Variants in CAPZB observed in about 807,000 individuals in gnomAD.
The protein encoded by CAPZB is capping actin protein of muscle Z-line subunit beta.
In CAPZB, 2 loss-of-function variants were observed where a neutral mutation model predicts 38.1. That is an observed-to-expected ratio of 0.05 (90% CI 0.02 to 0.17). CAPZB has a LOEUF of 0.17. Ranked by LOEUF, CAPZB falls within the 10% of genes least tolerant of loss-of-function variation. The probability of loss-of-function intolerance (pLI) is 1.00; values close to 1 mark genes in which losing one functional copy is unlikely to be tolerated. For synonymous variants in CAPZB, 107 were observed against 127.4 expected, an observed-to-expected ratio of 0.84 and a Z score of 1.08; for missense variants, 161 against 334.2, an observed-to-expected ratio of 0.48 and a Z score of 4.04.
chr1:19,482,785 T>C (rs1272619914), intron 1 of CAPZB, among the ~76,000 whole-genome samples: 1 of 152,212 alleles, frequency 6.6e-6, no homozygotes, highest in Non-Finnish European at 1.5e-5. Context: ...ATGAAAAACA[T>C]GGTGATCTGA....
At chr1:19,398,442 C>T (rs1445727068) in intron 2 of CAPZB, among the ~76,000 whole-genome samples, 4 of 152,176 alleles carry the variant, frequency 2.6e-5, no homozygotes, top group African/African-American at 9.7e-5. Context: ...AGCTTCTAAA[C>T]CTCCATGACC....
intron 1 of CAPZB, among the ~76,000 whole-genome samples, chr1:19,428,727 T>C (rs1244064370): frequency 1.3e-5 from 2 of 152,162 alleles, no homozygotes. Context: ...TCTTCGTGTT[T>C]TGAGGCCTGG....
At chr1:19,345,361 G>A (rs2100247024) in intron 6 of CAPZB, 109 bp from the exon 7 acceptor site, 2 of 882,528 alleles carry the variant, frequency 2.3e-6, no homozygotes, top group East Asian at 2.4e-5. Flanking sequence ...TTCCCACCGT[G>A]GAGCCAGCTG....
At chr1:19,478,640 GCACT>G (rs2094615755) in intron 1 of CAPZB, among the ~76,000 whole-genome samples, 1 of 151,914 alleles carries the variant, frequency 6.6e-6, no homozygotes, top group Admixed American at 6.6e-5. Context: ...GGCTGGTTCT[GCACT>G]CACTCCTGAG....
chr1:19,378,472 C>G (rs567363545), intron 4 of CAPZB, 68 bp downstream of exon 4: 26 of 882,342 alleles, frequency 2.9e-5, no homozygotes, highest in African/African-American at 2.5e-4. Flanking sequence ...CCAGATAGAA[C>G]ACTGCCACTT....
chr1:19,364,706 G>A (rs1260011721), intron 4 of CAPZB, among the ~76,000 whole-genome samples: 1 of 152,146 alleles, frequency 6.6e-6, no homozygotes, highest in Non-Finnish European at 1.5e-5. Context: ...ATGCATAGCA[G>A]GGACCAGCAC....
intron 8 of CAPZB, among the ~76,000 whole-genome samples, chr1:19,340,504 C>T (rs1474700299): frequency 6.6e-6 from 1 of 152,222 alleles, no homozygotes; most frequent in Non-Finnish European, 1.5e-5. Context: ...TATATTATCT[C>T]ATTTAATTTT....
intron 4 of CAPZB, among the ~76,000 whole-genome samples, chr1:19,367,379 A>G (rs146399238): frequency 1.7e-3 from 262 of 152,336 alleles, no homozygotes; most frequent in African/African-American, 6.0e-3. Flanking sequence ...TTCTGAACAG[A>G]GGGGAGGAGA....
intron 1 of CAPZB, among the ~76,000 whole-genome samples, chr1:19,424,127 A>C (rs1248968406): frequency 6.6e-6 from 1 of 152,054 alleles, no homozygotes; most frequent in Non-Finnish European, 1.5e-5. Context: ...CACTCTTATT[A>C]TTTAGACACG....
At position 19,404,309 on chromosome 1, in the gene CAPZB, C is replaced by T. The variant is rs552580244; in HGVS notation, c.93+15352G>A. On this transcript the variant is annotated intron_variant, in intron 2 of 8. Transcript: ENST00000264202. The stretch of plus-strand genomic sequence containing the variant: ...CTGTAATCTCAGCACTTTGGGAGGC[C>T]GAGGCAGGCAGATCACTTGAGGTCA... Among the ~76,000 whole-genome samples the T allele has an allele frequency of 1.4e-3, 216 of 149,054 alleles. 1 individual carries two copies. Among genetic ancestry groups the T allele is most frequent in the African/African-American group, 5.2e-3 (211 of 40,284 alleles).
intron 1 of CAPZB, among the ~76,000 whole-genome samples, chr1:19,444,833 C>T (rs916414687): frequency 6.6e-6 from 1 of 152,166 alleles, no homozygotes; most frequent in African/African-American, 2.4e-5. Flanking sequence ...ACCTCCACCT[C>T]CCAGGTTCAA....
rs1220761695 is a variant in CAPZB at position 19,433,326 on chromosome 1, GCTCCTGT to G, written c.4-13583_4-13577del. Among the ~76,000 whole-genome samples, 25 of 152,200 alleles carry G rather than the reference GCTCCTGT, an allele frequency of 1.6e-4. 1 individual carries two copies. The highest frequency in any genetic ancestry group is 1.3e-4 in the Non-Finnish European group (9 of 68,028). ...AAGTGGAAGCTGAGTAAAGCAGGGTGCTCCTGTCTTCCAAATAACAGTTAAAAGAAAA... is the reference window on the plus strand; with the variant it reads ...AAGTGGAAGCTGAGTAAAGCAGGGTGCTTCCAAATAACAGTTAAAAGAAAA... On this transcript the variant is annotated intron_variant, in intron 1 of 8. Transcript: ENST00000264202.
At chr1:19,416,966 C>G (rs2100487919) in intron 2 of CAPZB, among the ~76,000 whole-genome samples, 1 of 151,360 alleles carries the variant, frequency 6.6e-6, no homozygotes, top group Non-Finnish European at 1.5e-5. Context: ...GCACTTCAAC[C>G]TGTGTCCAAG....
intron 1 of CAPZB, among the ~76,000 whole-genome samples, chr1:19,473,052 T>C (rs2094595294): frequency 2.0e-5 from 3 of 151,562 alleles, no homozygotes; most frequent in African/African-American, 7.3e-5. Context: ...TTCCAAGTCA[T>C]TAAAGCAAAA....
intron 6 of CAPZB, among the ~76,000 whole-genome samples, chr1:19,351,982 C>T (rs985329166): frequency 1.3e-5 from 2 of 152,202 alleles, no homozygotes; most frequent in African/African-American, 4.8e-5. Flanking sequence ...AACCCAGACG[C>T]CCCTTGAAGC....
intron 1 of CAPZB, among the ~76,000 whole-genome samples, chr1:19,464,289 A>ATTT (rs891453430): frequency 1.5e-5 from 2 of 132,548 alleles, no homozygotes; most frequent in African/African-American, 2.9e-5. Context: ...ATCTCTGAAG[A>ATTT]TTTTTTTTTT....
At chr1:19,478,533 C>T (rs1334481192) in intron 1 of CAPZB, among the ~76,000 whole-genome samples, 3 of 152,112 alleles carry the variant, frequency 2.0e-5, no homozygotes, top group Non-Finnish European at 2.9e-5. Flanking sequence ...CACAAGCATC[C>T]AGAGATGTCA....
At position 19,374,254 on chromosome 1, in the gene CAPZB, AAG is replaced by A. The variant is rs563226717; in HGVS notation, c.329+4284_329+4285del. ...AGTCCAGTGTGACCTTCTCAGCATA[AAG>A]AGACTTTTTAGGCCATAAAACAAGC... On this transcript the variant is annotated intron_variant, in intron 4 of 8. Coordinates refer to ENST00000264202, the MANE Select transcript of CAPZB (RefSeq NM_004930.5). The A allele has an allele frequency of 6.6e-4, 101 of 152,360 alleles. 1 individual carries two copies. The highest frequency in any genetic ancestry group is 2.2e-3 in the African/African-American group (93 of 41,556). The allele number at this position is 152,360 out of a possible 1,614,324, so 9.4% of individuals were successfully genotyped here. A position where few individuals can be genotyped will look rare whatever the true frequency, so the allele number is the denominator to read the frequency against.
At chr1:19,429,299 ACT>A (rs944179119) in intron 1 of CAPZB, among the ~76,000 whole-genome samples, 3 of 152,064 alleles carry the variant, frequency 2.0e-5, no homozygotes, top group African/African-American at 7.2e-5. Flanking sequence ...AAAAAAAGAA[ACT>A]CTGAGAGAAG....
Sources: allele counts gnomAD v4.1 joint callset (sites outside exome capture counted in the v4.1 genomes callset), GRCh38; gene constraint gnomAD v4.1.1; transcripts MANE v1.5; gene names NCBI Gene and HGNC (gene_info 2026-07-23, HGNC 2026-07-21).